RPS6KC1: variants seen among roughly 807,000 people sequenced by gnomAD.
RPS6KC1 encodes inactive ribosomal protein S6 kinase delta-1.
In RPS6KC1, 54 loss-of-function variants were observed where a neutral mutation model predicts 103.8. The observed-to-expected ratio is 0.52, with a 90% CI of 0.42 to 0.65. RPS6KC1 has a LOEUF of 0.65. Ranked by LOEUF, RPS6KC1 falls within the 30% of genes least tolerant of loss-of-function variation. The pLI is 0.00. For synonymous variants in RPS6KC1, 439 were observed against 438.7 expected, an observed-to-expected ratio of 1.00 and a Z score of -0.01; for missense variants, 1,151 against 1,253.8, an observed-to-expected ratio of 0.92 and a Z score of 1.24.
the RPS6KC1 span, among the ~76,000 whole-genome samples, chr1:213,399,046 A>G: frequency 4.6e-5 from 7 of 152,214 alleles, no homozygotes; most frequent in African/African-American, 1.7e-4. Flanking sequence ...TAGACAAAAC[A>G]TATAGATTTA....
the RPS6KC1 span, among the ~76,000 whole-genome samples, chr1:213,683,228 G>A: frequency 6.6e-6 from 1 of 152,158 alleles, no homozygotes; most frequent in South Asian, 2.1e-4. Context: ...TCGGGGTCAG[G>A]AGTCTCTCTA....
intron 8 of RPS6KC1, among the ~76,000 whole-genome samples, chr1:213,215,987 C>T (rs1287925483): frequency 2.6e-5 from 4 of 152,152 alleles, no homozygotes; most frequent in Non-Finnish European, 5.9e-5. Flanking sequence ...GCAAAATAAC[C>T]AGCTAACATC....
chr1:213,773,536 G>GAT, the RPS6KC1 span, among the ~76,000 whole-genome samples: 4 of 147,958 alleles, frequency 2.7e-5, no homozygotes, highest in East Asian at 3.9e-4. Flanking sequence ...ATTATGTATA[G>GAT]ATATATATAT....
chr1:213,345,052 G>T, the RPS6KC1 span, among the ~76,000 whole-genome samples: 1 of 152,104 alleles, frequency 6.6e-6, no homozygotes, highest in African/African-American at 2.4e-5. Context: ...ATGACAGAGG[G>T]TCATATATCT....
chr1:213,238,382 G>A (rs2094276025), intron 10 of RPS6KC1, among the ~76,000 whole-genome samples: 1 of 152,148 alleles, frequency 6.6e-6, no homozygotes, highest in Non-Finnish European at 1.5e-5. Context: ...GTTGAGTAGG[G>A]GGAGAGGACC....
the RPS6KC1 span, among the ~76,000 whole-genome samples, chr1:213,518,644 A>G: frequency 1.3e-5 from 2 of 152,214 alleles, no homozygotes; most frequent in Non-Finnish European, 2.9e-5. Flanking sequence ...TAAAACCTTC[A>G]GTACCTACCT....
At chr1:213,586,208 A>G in the RPS6KC1 span, among the ~76,000 whole-genome samples, 1 of 152,168 alleles carries the variant, frequency 6.6e-6, no homozygotes, top group African/African-American at 2.4e-5. Flanking sequence ...CTGACATTAC[A>G]TTACAAGAGG....
the RPS6KC1 span, among the ~76,000 whole-genome samples, chr1:213,598,944 A>C: frequency 0.018 from 2,725 of 152,222 alleles, 225 homozygotes; most frequent in East Asian, 0.27. Flanking sequence ...CAAAACCAAA[A>C]AAACTGCATT....
chr1:213,265,047 A>G (rs949211955), intron 14 of RPS6KC1, among the ~76,000 whole-genome samples: 7 of 152,168 alleles, frequency 4.6e-5, no homozygotes, highest in African/African-American at 1.7e-4. Flanking sequence ...TTAAGAAATT[A>G]TGTGAGGAAA....
the RPS6KC1 span, among the ~76,000 whole-genome samples, chr1:213,303,220 C>CTGATGAGCGGGG: frequency 6.6e-6 from 1 of 152,188 alleles, no homozygotes; most frequent in Non-Finnish European, 1.5e-5. Context: ...ATCTCCAAGT[C>CTGATGAGCGGGG]AGTTTCAGGA....
chr1:213,646,897 A>ATATATATATATT, the RPS6KC1 span, among the ~76,000 whole-genome samples: 2 of 150,436 alleles, frequency 1.3e-5, no homozygotes. Flanking sequence ...ATATATATAT[A>ATATATATATATT]TTTTTGTTTG....
chr1:213,574,876 A>G, the RPS6KC1 span, among the ~76,000 whole-genome samples: 1 of 152,120 alleles, frequency 6.6e-6, no homozygotes, highest in Non-Finnish European at 1.5e-5. Context: ...AGACCGAGTC[A>G]CTGTGGGCTC....
chr1:213,258,506 A>G (rs2094704552), intron 12 of RPS6KC1, among the ~76,000 whole-genome samples: 1 of 152,260 alleles, frequency 6.6e-6, no homozygotes, highest in African/African-American at 2.4e-5. Flanking sequence ...GCCAAAGCAT[A>G]GAATTCTATG....
chr1:213,609,355 C>T, the RPS6KC1 span, among the ~76,000 whole-genome samples: 1 of 152,196 alleles, frequency 6.6e-6, no homozygotes, highest in Non-Finnish European at 1.5e-5. Context: ...TTGGCCACCT[C>T]CTTTCTCACT....
At chr1:213,137,265 C>G (rs1235176399) in intron 6 of RPS6KC1, among the ~76,000 whole-genome samples, 2 of 151,880 alleles carry the variant, frequency 1.3e-5, no homozygotes, top group Non-Finnish European at 2.9e-5. Context: ...TTTACCAAGG[C>G]TCTCACTTTT....
the RPS6KC1 span, among the ~76,000 whole-genome samples, chr1:213,591,598 C>A: frequency 6.6e-6 from 1 of 152,170 alleles, no homozygotes; most frequent in Non-Finnish European, 1.5e-5. Flanking sequence ...CTGTTGCCAG[C>A]CTGATGATGG....
At chr1:213,561,632 C>T in the RPS6KC1 span, among the ~76,000 whole-genome samples, 1 of 152,188 alleles carries the variant, frequency 6.6e-6, no homozygotes, top group African/African-American at 2.4e-5. Context: ...TGCTACTCTC[C>T]TCTCTTTTCT....
At chr1:213,082,428 C>T (rs1035439796) in intron 3 of RPS6KC1, among the ~76,000 whole-genome samples, 3 of 151,400 alleles carry the variant, frequency 2.0e-5, no homozygotes, top group Non-Finnish European at 4.4e-5. Flanking sequence ...GAGACTCCAT[C>T]CCAAAAAAAT....
the RPS6KC1 span, among the ~76,000 whole-genome samples, chr1:213,427,616 T>C: frequency 6.6e-6 from 1 of 152,248 alleles, no homozygotes; most frequent in Non-Finnish European, 1.5e-5. Context: ...AATTATTATA[T>C]GCATTTTTGT....
Sources: gnomAD v4.1 joint callset for allele counts (sites outside exome capture counted in the v4.1 genomes callset) on GRCh38, gnomAD v4.1.1 for gene constraint, MANE v1.5 for transcripts, NCBI Gene and HGNC (gene_info 2026-07-23, HGNC 2026-07-21) for gene names.